The following SRPK2 variants were observed in gnomAD, a reference collection of about 807,000 sequenced individuals.
The protein encoded by SRPK2 is SFRS protein kinase 2.
In SRPK2, 21 loss-of-function variants were observed where a neutral mutation model predicts 90.8. That is an observed-to-expected ratio of 0.23 (90% CI 0.16 to 0.33). SRPK2 has a LOEUF of 0.33. Among genes scored for constraint, SRPK2 ranks in the 10% least tolerant of loss-of-function variants. SRPK2 has a pLI of 1.00. For missense variants in SRPK2, 620 were observed against 869.0 expected, an observed-to-expected ratio of 0.71 and a Z score of 3.60; for synonymous variants, 288 against 311.1, an observed-to-expected ratio of 0.93 and a Z score of 0.78.
At chr7:105,277,018 C>T (rs1177870978) in intron 2 of SRPK2, among the ~76,000 whole-genome samples, 1 of 152,142 alleles carries the variant, frequency 6.6e-6, no homozygotes, top group Non-Finnish European at 1.5e-5. Flanking sequence ...CACATGTTTA[C>T]ACATTCTACT....
chr7:105,230,725 G>A lies in SRPK2; in HGVS notation c.72-26940C>T, dbSNP rs530508453. On this transcript the variant is annotated intron_variant, in intron 2 of 15. Transcript: ENST00000393651. Reference sequence around the variant, plus strand: ...AACTGTTAAAATAGCTGGGCAATATGCATGAAAAATCTTGTTGATTCTTGT... The same window carrying A: ...AACTGTTAAAATAGCTGGGCAATATACATGAAAAATCTTGTTGATTCTTGT... Among the ~76,000 whole-genome samples, 4 of 152,244 alleles carry A rather than the reference G, an allele frequency of 2.6e-5. No homozygotes were observed. The South Asian group carries it at 8.3e-4, about 32-fold the overall frequency.
chr7:105,344,790 T>C (rs1278175370), intron 2 of SRPK2, among the ~76,000 whole-genome samples: 1 of 151,198 alleles, frequency 6.6e-6, no homozygotes, highest in Non-Finnish European at 1.5e-5. Flanking sequence ...AAATGAACAA[T>C]TAGGCATTCT....
chr7:105,334,857 AAATT>A (rs1009079887), intron 2 of SRPK2, among the ~76,000 whole-genome samples: 1 of 150,752 alleles, frequency 6.6e-6, no homozygotes, highest in African/African-American at 2.5e-5. Flanking sequence ...AACAAAAAAA[AAATT>A]AATTAACTTA....
chr7:105,134,074 C>G (rs1287279200), intron 11 of SRPK2, among the ~76,000 whole-genome samples: 1 of 152,064 alleles, frequency 6.6e-6, no homozygotes, highest in Admixed American at 6.5e-5. Context: ...GAAATAAAAC[C>G]AGGACTTTTA....
intron 7 of SRPK2, 143 bp from the exon 8 acceptor site, chr7:105,146,801 A>G: frequency 1.2e-6 from 1 of 807,970 alleles, no homozygotes; most frequent in South Asian, 1.8e-5. Flanking sequence ...TCTCCCTCCC[A>G]TGCCTACCCA....
intron 2 of SRPK2, among the ~76,000 whole-genome samples, chr7:105,326,450 T>C (rs904156678): frequency 6.6e-6 from 1 of 152,220 alleles, no homozygotes; most frequent in African/African-American, 2.4e-5. Flanking sequence ...GTTTACTTTC[T>C]TTTTCATGGA....
intron 7 of SRPK2, among the ~76,000 whole-genome samples, chr7:105,147,224 T>C (rs1456352512): frequency 6.6e-6 from 1 of 152,230 alleles, no homozygotes; most frequent in African/African-American, 2.4e-5. Flanking sequence ...AACAGTAGGC[T>C]AGTAATTCAT....
At chr7:105,385,757 CT>C (rs1821504158) in intron 2 of SRPK2, among the ~76,000 whole-genome samples, 1 of 152,168 alleles carries the variant, frequency 6.6e-6, no homozygotes, top group Non-Finnish European at 1.5e-5. Context: ...GGGCATGTTA[CT>C]TACTTTTCCT....
chr7:105,144,268 T>G, intron 9 of SRPK2, among the ~76,000 whole-genome samples: 1 of 112,594 alleles, frequency 8.9e-6, no homozygotes. Context: ...TGAGATGGAG[T>G]CTCACTCTGT....
chr7:105,394,470 A>G (rs941211125), intron 1 of SRPK2, among the ~76,000 whole-genome samples: 1 of 152,176 alleles, frequency 6.6e-6, no homozygotes, highest in Non-Finnish European at 1.5e-5. Flanking sequence ...CACTTAGCCT[A>G]ACATTAAAAC....
rs769258684 is a variant in SRPK2 at position 105,281,667 on chromosome 7, G to GAA, written c.72-77883_72-77882insTT. Among the ~76,000 whole-genome samples the GAA allele has an allele frequency of 1.2e-4, 13 of 107,042 alleles. No homozygotes were observed. The South Asian group carries it at 1.5e-3, about 12-fold the overall frequency. The allele number at this position is 107,042 out of a possible 152,430, so 70.2% of individuals were successfully genotyped here. On this transcript the variant is annotated intron_variant, in intron 2 of 15. Transcript: ENST00000393651. ...AACACACTGAGACCCTGTTGCTAAG[G>GAA]TAAAAAAAAAAAAAAGATCCCAAAG...
At chr7:105,312,046 T>C (rs1351640005) in intron 2 of SRPK2, among the ~76,000 whole-genome samples, 2 of 152,158 alleles carry the variant, frequency 1.3e-5, no homozygotes, top group South Asian at 4.1e-4. Context: ...TGACAAATGC[T>C]ACAACATGGA....
intron 4 of SRPK2, 102 bp downstream of exon 4, chr7:105,169,055 C>G (rs950853807): frequency 6.5e-5 from 64 of 988,528 alleles, no homozygotes; most frequent in Non-Finnish European, 9.3e-5. Flanking sequence ...AAGCACTTCA[C>G]ATACCTCAAC....
rs539294219 is a variant in SRPK2 at position 105,253,033 on chromosome 7, G to A, written c.72-49248C>T. 5.3e-5 allele frequency among the ~76,000 whole-genome samples: 8 copies of A among 152,220 alleles called. No homozygotes were observed. The East Asian group carries it at 5.8e-4, about 11-fold the overall frequency. ...CCTGGGATTACAGGCGTGAGCCACCGCGCCCGACCCAAGTTAGTATCTTTA... is the reference window on the plus strand; with the variant it reads ...CCTGGGATTACAGGCGTGAGCCACCACGCCCGACCCAAGTTAGTATCTTTA... On this transcript the variant is annotated intron_variant, in intron 2 of 15. Transcript: ENST00000393651.
intron 2 of SRPK2, among the ~76,000 whole-genome samples, chr7:105,312,130 C>T (rs866742461): frequency 1.3e-5 from 2 of 152,016 alleles, no homozygotes; most frequent in Non-Finnish European, 2.9e-5. Flanking sequence ...AGATGAAGTA[C>T]TGATATATGC....
intron 2 of SRPK2, among the ~76,000 whole-genome samples, chr7:105,309,491 T>A (rs1254223720): frequency 6.6e-6 from 1 of 152,204 alleles, no homozygotes; most frequent in Non-Finnish European, 1.5e-5. Flanking sequence ...TACACATGAG[T>A]ATCTGCATTA....
chr7:105,388,716 GAC>G lies in SRPK2; in HGVS notation c.17-16_17-15del. 4.4e-6 allele frequency: 7 copies of G among 1,573,636 alleles called. No individual in the cohort carries two copies. The highest frequency in any genetic ancestry group is 6.0e-6 in the Non-Finnish European group (7 of 1,158,834). On this transcript the variant is annotated splice_polypyrimidine_tract_variant and intron_variant, in intron 1 of 15. Transcript: ENST00000393651. ...GAATGGCCAGCACTGGGGAAGAGAA[GAC>G]ACACATTAACGGTCGGGCCGCCCGC...
intron 2 of SRPK2, among the ~76,000 whole-genome samples, chr7:105,356,903 A>G (rs1294930423): frequency 6.6e-6 from 1 of 152,194 alleles, no homozygotes; most frequent in Non-Finnish European, 1.5e-5. Context: ...CTCCCAAAGC[A>G]TCTGCTACCC....
At chr7:105,370,366 C>T (rs1195863521) in intron 2 of SRPK2, among the ~76,000 whole-genome samples, 1 of 152,114 alleles carries the variant, frequency 6.6e-6, no homozygotes, top group East Asian at 1.9e-4. Flanking sequence ...TTGGGGGATA[C>T]AGGTACCCAC....
Sources: allele counts gnomAD v4.1 joint callset (sites outside exome capture counted in the v4.1 genomes callset), GRCh38; gene constraint gnomAD v4.1.1; transcripts MANE v1.5; gene names NCBI Gene and HGNC (gene_info 2026-07-23, HGNC 2026-07-21).